The following DHX32 variants were observed in gnomAD, a reference collection of about 807,000 sequenced individuals.
DHX32 encodes putative pre-mRNA-splicing factor ATP-dependent RNA helicase DHX32.
Under a neutral mutation model 70.0 loss-of-function variants are expected in DHX32, and 51 were observed. The observed-to-expected ratio is 0.73, with a 90% confidence interval of 0.58 to 0.92. DHX32 has a LOEUF of 0.92. Ranked by LOEUF, DHX32 falls within the 40% of genes least tolerant of loss-of-function variation. DHX32 has a pLI of 0.00. For synonymous variants in DHX32, 310 were observed against 315.3 expected (o/e 0.98, Z 0.18); for missense variants, 762 against 891.8 (o/e 0.85, Z 1.85).
intron 4 of DHX32, chr10:125,853,038 C>T: frequency 1.0e-6 from 1 of 969,482 alleles, no homozygotes; most frequent in Non-Finnish European, 1.6e-6. Flanking sequence ...TCTTGGTGGT[C>T]TCACCTTTAC....
chr10:125,870,457 C>T (rs1255203165), intron 1 of DHX32, among the ~76,000 whole-genome samples: 1 of 152,186 alleles, frequency 6.6e-6, no homozygotes, highest in Admixed American at 6.5e-5. Context: ...GTATAATTGC[C>T]ACTACATCAC....
chr10:125,849,655 C>T (rs1215852547), intron 6 of DHX32, among the ~76,000 whole-genome samples: 4 of 152,198 alleles, frequency 2.6e-5, no homozygotes, highest in Non-Finnish European at 5.9e-5. Flanking sequence ...TCAGGCACTG[C>T]GGCAGAGCTA....
At chr10:125,874,831 CAGAG>C (rs1283542036) in intron 1 of DHX32, among the ~76,000 whole-genome samples, 5 of 152,012 alleles carry the variant, frequency 3.3e-5, no homozygotes, top group African/African-American at 1.2e-4. Context: ...TAGAGAAAGA[CAGAG>C]AGAAACAGAG....
intron 4 of DHX32, 75 bp from the exon 5 acceptor site, chr10:125,852,717 A>G: frequency 7.5e-7 from 1 of 1,330,914 alleles, no homozygotes; most frequent in Non-Finnish European, 1.0e-6. Context: ...TGAAGAGAAT[A>G]TGCTGCGCAG....
chr10:125,858,370 A>G (rs922650943), intron 3 of DHX32, among the ~76,000 whole-genome samples: 1 of 152,202 alleles, frequency 6.6e-6, no homozygotes, highest in Non-Finnish European at 1.5e-5. Flanking sequence ...GAATATCTTG[A>G]ATCATGCAGG....
intron 3 of DHX32, among the ~76,000 whole-genome samples, chr10:125,856,135 C>A (rs192578037): frequency 1.3e-5 from 2 of 152,318 alleles, no homozygotes; most frequent in African/African-American, 4.8e-5. Flanking sequence ...TTTGTTTATT[C>A]ATTTCCTTGA....
intron 3 of DHX32, among the ~76,000 whole-genome samples, chr10:125,855,908 T>C (rs188517944): frequency 8.5e-5 from 13 of 152,368 alleles, no homozygotes; most frequent in African/African-American, 2.9e-4. Context: ...CTGAGCTATT[T>C]TGGCTGTCTT....
At chr10:125,838,950 GTA>G in intron 9 of DHX32, 49 bp downstream of exon 9, 2 of 1,547,234 alleles carry the variant, frequency 1.3e-6, no homozygotes, top group South Asian at 2.4e-5. Context: ...CATATCCTGA[GTA>G]TGTGCAATTC....
At position 125,880,726 on chromosome 10, in the gene DHX32, CA is replaced by C; in HGVS notation, c.98del (p.Leu33TrpfsTer24). ...GGTTAAGTTCCAAATCCTCACAGGC[CA>C]AAACCTCTTCCTCATCCCCATCGCT... ...DSSDGDEEEV[L>X]ACEDLELNPF... On this transcript the variant is annotated frameshift_variant, in exon 1 of 11. Transcript: ENST00000284690. LOFTEE classifies it high-confidence loss of function. 6.2e-7 allele frequency: 1 copy of C among 1,614,166 alleles called. No individual in the cohort carries two copies. Among genetic ancestry groups the C allele is most frequent in the South Asian group, 1.1e-5 (1 of 91,080 alleles).
At chr10:125,864,717 T>C (rs1220154510) in intron 2 of DHX32, among the ~76,000 whole-genome samples, 3 of 151,890 alleles carry the variant, frequency 2.0e-5, no homozygotes, top group Non-Finnish European at 4.4e-5. Context: ...CTGCCTCAGC[T>C]AAGGAGTTTG....
At chr10:125,874,083 T>C (rs933248750) in intron 1 of DHX32, among the ~76,000 whole-genome samples, 1 of 152,178 alleles carries the variant, frequency 6.6e-6, no homozygotes, top group Non-Finnish European at 1.5e-5. Flanking sequence ...CTGCAAAAAA[T>C]GTAATAAGAA....
chr10:125,836,367 T>G lies in DHX32; in HGVS notation c.*320A>C. 1 of 1,579,464 alleles carries G rather than the reference T, an allele frequency of 6.3e-7. No individual in the cohort carries two copies. On this transcript the variant is annotated 3_prime_UTR_variant, in exon 11 of 11. Coordinates refer to ENST00000284690, the MANE Select transcript of DHX32 (RefSeq NM_018180.3). ...TGAAAAACTCAGACTTTATTCAGAT[T>G]AAGTTCCTCTACAAAAAGTAGGGTT...
At chr10:125,860,919 A>G (rs1944183853) in intron 2 of DHX32, among the ~76,000 whole-genome samples, 1 of 151,412 alleles carries the variant, frequency 6.6e-6, no homozygotes, top group African/African-American at 2.4e-5. Flanking sequence ...CGCCTGGCTA[A>G]TTTTTTGTAT....
At chr10:125,871,949 G>A (rs1328338084) in intron 1 of DHX32, among the ~76,000 whole-genome samples, 3 of 148,372 alleles carry the variant, frequency 2.0e-5, no homozygotes, top group African/African-American at 2.5e-5. Context: ...TGCAACCTCC[G>A]CCTCCCGGGT....
Position 125,836,672 on chromosome 10 carries a change from G to T in DHX32, c.*15C>A, listed in dbSNP as rs1854695302. 2 of 1,612,330 alleles carry T rather than the reference G, an allele frequency of 1.2e-6. No individual in the cohort carries two copies. Among genetic ancestry groups the T allele is most frequent in the South Asian group, 1.1e-5 (1 of 90,898 alleles). Reference sequence around the variant, plus strand: ...TACCTTTGGGACCCTGCTGCACCTTGTGTTTGCTGGGGAGTCACTGGAGAG... The same window carrying T: ...TACCTTTGGGACCCTGCTGCACCTTTTGTTTGCTGGGGAGTCACTGGAGAG... On this transcript the variant is annotated 3_prime_UTR_variant, in exon 11 of 11. Coordinates refer to ENST00000284690, the MANE Select transcript of DHX32 (RefSeq NM_018180.3).
intron 6 of DHX32, among the ~76,000 whole-genome samples, chr10:125,850,358 T>C (rs113151817): frequency 0.015 from 2,238 of 147,392 alleles, 29 homozygotes; most frequent in South Asian, 0.03. Flanking sequence ...TTCTTTCTTT[T>C]TTTTTTTTTT....
intron 2 of DHX32, among the ~76,000 whole-genome samples, chr10:125,865,820 T>C (rs1944217151): frequency 6.6e-6 from 1 of 152,152 alleles, no homozygotes; most frequent in Admixed American, 6.6e-5. Context: ...TTAGCCACTG[T>C]GCCCAGCCCC....
intron 8 of DHX32, 120 bp from the exon 9 acceptor site, chr10:125,839,308 T>G (rs1458108709): frequency 2.4e-5 from 24 of 986,774 alleles, no homozygotes; most frequent in Admixed American, 1.6e-4. Context: ...GGAGGCCACG[T>G]AGGTGAGTGG....
At chr10:125,865,778 C>T (rs746886115) in intron 2 of DHX32, among the ~76,000 whole-genome samples, 1 of 152,108 alleles carries the variant, frequency 6.6e-6, no homozygotes, top group East Asian at 1.9e-4. Context: ...ATCCTCCTGC[C>T]TCGCCCTCCC....
Sources: gnomAD v4.1 joint callset for allele counts (sites outside exome capture counted in the v4.1 genomes callset) on GRCh38, gnomAD v4.1.1 for gene constraint, MANE v1.5 for transcripts, NCBI Gene and HGNC (gene_info 2026-07-23, HGNC 2026-07-21) for gene names.